Variants in CACNA1I observed in about 807,000 individuals in gnomAD.
CACNA1I encodes the protein voltage-dependent T-type calcium channel subunit alpha-1I.
In CACNA1I, 74 loss-of-function variants were observed where a neutral mutation model predicts 201.6. That is an observed-to-expected ratio of 0.37 (90% CI 0.30 to 0.45). The LOEUF (loss-of-function observed/expected upper bound fraction) is 0.45. Ranked by LOEUF, CACNA1I falls within the 20% of genes least tolerant of loss-of-function variation. The pLI, the probability that CACNA1I is intolerant of heterozygous loss-of-function variation, is 1.00. For missense variants in CACNA1I, 2,346 were observed against 3,138.1 expected (o/e 0.75, Z 6.03); for synonymous variants, 1,431 against 1,345.2 (o/e 1.06, Z -1.40).
chr22:39,572,842 C>T (rs1048033599), intron 1 of CACNA1I, among the ~76,000 whole-genome samples: 24 of 151,990 alleles, frequency 1.6e-4, no homozygotes, highest in Non-Finnish European at 2.8e-4. Flanking sequence ...CTGCAACCTC[C>T]GCCTCCCAGG....
intron 11 of CACNA1I, among the ~76,000 whole-genome samples, chr22:39,658,559 G>A (rs553683254): frequency 7.9e-5 from 12 of 152,312 alleles, no homozygotes; most frequent in East Asian, 1.9e-4. Context: ...CAACTGCATC[G>A]GCTGTCACGT....
chr22:39,650,142 A>C (rs1173982141), intron 10 of CACNA1I, among the ~76,000 whole-genome samples: 1 of 151,982 alleles, frequency 6.6e-6, no homozygotes, highest in Non-Finnish European at 1.5e-5. Context: ...CGAATGAATG[A>C]TGAGTGAACG....
Position 39,649,365 on chromosome 22 carries a change from C to A in CACNA1I, c.1568-136C>A. 1 of 887,294 alleles carries A rather than the reference C, an allele frequency of 1.1e-6. No individual in the cohort carries two copies. Among genetic ancestry groups the A allele is most frequent in the Non-Finnish European group, 1.7e-6 (1 of 603,966 alleles). The allele number at this position is 887,294 out of a possible 1,614,324, so 55.0% of individuals were successfully genotyped here. ...CAGCCGCTTCCCCAGGCACCCCTGACCGCCTTTCCAGGCTGGGTCGGCTGG... is the reference window on the plus strand; with the variant it reads ...CAGCCGCTTCCCCAGGCACCCCTGAACGCCTTTCCAGGCTGGGTCGGCTGG... On this transcript the variant is annotated intron_variant, in intron 9 of 36. Transcript: ENST00000402142. The surrounding 1 kb of genome is among the most constrained non-coding windows in gnomAD (Gnocchi z 7.3).
chr22:39,632,984 G>T (rs1035289943), intron 4 of CACNA1I, among the ~76,000 whole-genome samples: 36 of 152,034 alleles, frequency 2.4e-4, no homozygotes, highest in South Asian at 1.2e-3. Flanking sequence ...GGAAGATGGG[G>T]TGGGCCTTAA....
intron 20 of CACNA1I, 119 bp downstream of exon 20, chr22:39,664,278 A>G (rs1379690276): frequency 2.5e-6 from 2 of 813,064 alleles, no homozygotes; most frequent in Non-Finnish European, 4.0e-6. Flanking sequence ...TCGTAGCCCC[A>G]TGGCCCACCC....
intron 1 of CACNA1I, among the ~76,000 whole-genome samples, chr22:39,588,128 A>T (rs552104543): frequency 9.7e-4 from 88 of 90,538 alleles, no homozygotes; most frequent in South Asian, 2.6e-3. Context: ...GTTGCTCTTC[A>T]TTTTTTTTTT....
chr22:39,665,026 G>A lies in CACNA1I; in HGVS notation c.3851+103G>A. The stretch of plus-strand genomic sequence containing the variant: ...CTCCGCCCTCCCCGCCCGCCCACTC[G>A]GTCCTCCAATAGTGAGTGCCAAACA... On this transcript the variant is annotated intron_variant, in intron 21 of 36. Coordinates refer to ENST00000402142, the MANE Select transcript of CACNA1I (RefSeq NM_021096.4). This position sits in a 1 kb window ranked among gnomAD's most constrained non-coding sequence, Gnocchi z 5.5. 4 of 1,079,172 alleles carry A rather than the reference G, an allele frequency of 3.7e-6. No homozygotes were observed. Among genetic ancestry groups the A allele is most frequent in the South Asian group, 1.5e-5 (1 of 66,638 alleles). The allele number at this position is 1,079,172 out of a possible 1,614,324, so 66.8% of individuals were successfully genotyped here.
At chr22:39,576,892 C>G (rs1932373744) in intron 1 of CACNA1I, among the ~76,000 whole-genome samples, 1 of 152,204 alleles carries the variant, frequency 6.6e-6, no homozygotes, top group Non-Finnish European at 1.5e-5. Flanking sequence ...GCTTCTGCTC[C>G]CCTGTCTGGC....
chr22:39,687,783 A>G lies in CACNA1I; in HGVS notation c.*1378A>G, dbSNP rs1935930687. The G allele has an allele frequency of 6.6e-6, 1 of 152,274 alleles. No homozygotes were observed. Among genetic ancestry groups the G allele is most frequent in the Admixed American group, 6.5e-5 (1 of 15,286 alleles). The allele number at this position is 152,274 out of a possible 1,614,324, so 9.4% of individuals were successfully genotyped here. ...TCACTATTTATTGGGAAAAAAATGCATTGAACCCGTGATTTCACAGACATT... is the reference window on the plus strand; with the variant it reads ...TCACTATTTATTGGGAAAAAAATGCGTTGAACCCGTGATTTCACAGACATT... On this transcript the variant is annotated 3_prime_UTR_variant, in exon 37 of 37. Transcript: ENST00000402142.
chr22:39,669,163 G>A (rs530451904), intron 24 of CACNA1I, among the ~76,000 whole-genome samples: 2 of 152,304 alleles, frequency 1.3e-5, no homozygotes. Context: ...TCTAGCTCAA[G>A]ACAGGGCCCA....
At chr22:39,574,425 G>T (rs1932279325) in intron 1 of CACNA1I, among the ~76,000 whole-genome samples, 2 of 152,098 alleles carry the variant, frequency 1.3e-5, no homozygotes, top group Non-Finnish European at 2.9e-5. Context: ...CTGTCCCCTG[G>T]AGCAGAGACT....
At chr22:39,673,546 G>A (rs1241042794) in intron 28 of CACNA1I, among the ~76,000 whole-genome samples, 3 of 152,182 alleles carry the variant, frequency 2.0e-5, no homozygotes, top group Non-Finnish European at 4.4e-5. Context: ...GCCTCAGGGC[G>A]AGCCCAGGTG....
Position 39,646,731 on chromosome 22 carries a change from A to C in CACNA1I, c.1312A>C (p.Ile438Leu). Reference protein sequence around the residue: ...YAEPGDCYEEIFQYVCHILRK... With the variant: ...YAEPGDCYEELFQYVCHILRK... The stretch of plus-strand genomic sequence containing the variant: ...CGAGCCTGGCGACTGCTACGAGGAG[A>C]TCTTCCAGTATGTCTGCCACATCCT... Residue 438 changes from isoleucine (I) to leucine (L), a missense_variant, in exon 8 of 37, where the codon ATC becomes CTC. Around this residue, in one of 13 missense-constraint regions of CACNA1I, gnomAD observed 312 missense variants for 331.5 expected, o/e 0.94. Coordinates refer to ENST00000402142, the MANE Select transcript of CACNA1I (RefSeq NM_021096.4). 1 of 1,598,030 alleles carries C rather than the reference A, an allele frequency of 6.3e-7. No homozygotes were observed. Among genetic ancestry groups the C allele is most frequent in the Non-Finnish European group, 8.5e-7 (1 of 1,172,648 alleles).
At chr22:39,628,502 C>T (rs1346364515) in intron 4 of CACNA1I, among the ~76,000 whole-genome samples, 1 of 152,020 alleles carries the variant, frequency 6.6e-6, no homozygotes, top group Non-Finnish European at 1.5e-5. Flanking sequence ...GCAGCCAGCT[C>T]TGGGAGGGAC....
At chr22:39,595,196 A>G (rs1184799040) in intron 1 of CACNA1I, among the ~76,000 whole-genome samples, 4 of 149,360 alleles carry the variant, frequency 2.7e-5, no homozygotes, top group African/African-American at 9.9e-5. Flanking sequence ...GGTTGAGGCA[A>G]GGGAATTGCC....
chr22:39,656,460 A>AC (rs1228762678), intron 10 of CACNA1I: 2 of 515,886 alleles, frequency 3.9e-6, no homozygotes, highest in African/African-American at 3.9e-5. Flanking sequence ...TCCCCTAGCC[A>AC]CCCCCCACTT....
At chr22:39,670,574 A>T (rs947965777) in intron 25 of CACNA1I, among the ~76,000 whole-genome samples, 1 of 152,180 alleles carries the variant, frequency 6.6e-6, no homozygotes, top group Non-Finnish European at 1.5e-5. Flanking sequence ...TTTGGGGTAG[A>T]TGGAGAGAAT....
chr22:39,660,388 C>T lies in CACNA1I; in HGVS notation c.2649C>T (p.Ser883=). ...RSYSDEDQSS[S]NIEEFDKLQE... ...ACTCGGACGAGGACCAGAGCTCATC[C>T]AACATAGAAGAGTTTGATAAGCTCC... The change falls in exon 15 of 37, where the codon TCC becomes TCT. Residue 883 remains serine, a synonymous_variant. Coordinates refer to ENST00000402142, the MANE Select transcript of CACNA1I (RefSeq NM_021096.4). 1 of 1,612,910 alleles carries T rather than the reference C, an allele frequency of 6.2e-7. No homozygotes were observed. Among genetic ancestry groups the T allele is most frequent in the Non-Finnish European group, 8.5e-7 (1 of 1,179,710 alleles).
chr22:39,670,697 C>T (rs1681271631), intron 25 of CACNA1I, 106 bp from the exon 26 acceptor site: 1 of 1,093,058 alleles, frequency 9.1e-7, no homozygotes, highest in Non-Finnish European at 1.4e-6. Context: ...ACATCTTCCT[C>T]TTTGCCCCCT....
Sources: allele counts gnomAD v4.1 joint callset (sites outside exome capture counted in the v4.1 genomes callset), GRCh38; gene constraint gnomAD v4.1.1; regional missense constraint gnomAD v4.1.1; non-coding constraint Gnocchi (gnomAD v3.1); transcripts MANE v1.5; gene names NCBI Gene and HGNC (gene_info 2026-07-23, HGNC 2026-07-21).